The following PLXNA1 variants were observed in gnomAD, a reference collection of about 807,000 sequenced individuals.
The protein encoded by PLXNA1 is plexin A1.
A neutral mutation model predicts 191.7 loss-of-function variants in PLXNA1; 77 were observed. The ratio of observed to expected loss-of-function variants is 0.40; its 90% CI spans 0.33 to 0.49. PLXNA1 has a LOEUF of 0.49. Ranked by LOEUF, PLXNA1 falls within the 20% of genes least tolerant of loss-of-function variation. The probability of loss-of-function intolerance (pLI) is 0.63; values close to 1 mark genes in which losing one functional copy is unlikely to be tolerated. For synonymous variants in PLXNA1, 1,137 were observed against 1,156.4 expected, an observed-to-expected ratio of 0.98 and a Z score of 0.34; for missense variants, 2,110 against 2,660.2, an observed-to-expected ratio of 0.79 and a Z score of 4.55.
intron 13 of PLXNA1, 40 bp from the exon 14 acceptor site, chr3:127,014,671 G>A (rs1178290533): frequency 1.2e-6 from 2 of 1,611,060 alleles, no homozygotes; most frequent in South Asian, 1.1e-5. Context: ...GACGGGACGG[G>A]GCGGGGCTCC....
rs960792613 is a variant in PLXNA1 at position 127,028,169 on chromosome 3, C to A, written c.4510-12C>A. The A allele has an allele frequency of 1.2e-6, 2 of 1,613,132 alleles. No individual in the cohort carries two copies. Among genetic ancestry groups the A allele is most frequent in the Non-Finnish European group, 1.7e-6 (2 of 1,179,966 alleles). On this transcript the variant is annotated splice_polypyrimidine_tract_variant and intron_variant, in intron 24 of 31. Transcript: ENST00000393409. ...GGGCTGACGCTGCCCCCTTGCTCCA[C>A]CCCGCCCGCAGACCCTGAACTGTGT...
At chr3:127,017,313 C>T (rs892355637) in intron 17 of PLXNA1, 112 bp from the exon 18 acceptor site, 1 of 1,439,738 alleles carries the variant, frequency 6.9e-7, no homozygotes, top group Non-Finnish European at 9.3e-7. Flanking sequence ...CTGCTAGTGC[C>T]TGGCATCATC....
chr3:126,999,687 C>T (rs904818069), intron 3 of PLXNA1, among the ~76,000 whole-genome samples: 3 of 152,104 alleles, frequency 2.0e-5, no homozygotes, highest in Admixed American at 6.5e-5. Context: ...AGGGCTGTGG[C>T]GGTGATGGGA....
At chr3:126,986,738 A>G (rs549951478) in intron 1 of PLXNA1, among the ~76,000 whole-genome samples, 2 of 152,278 alleles carry the variant, frequency 1.3e-5, no homozygotes, top group African/African-American at 4.8e-5. Flanking sequence ...AGATGAGAAC[A>G]GGGTGACTGA....
At chr3:126,983,761 C>T (rs1254456489) in intron 1 of PLXNA1, among the ~76,000 whole-genome samples, 1 of 151,968 alleles carries the variant, frequency 6.6e-6, no homozygotes, top group South Asian at 2.1e-4. Context: ...GCCGCTGGAC[C>T]TCGGCTCAGA....
At chr3:127,023,598 C>T (rs918043149) in intron 23 of PLXNA1, among the ~76,000 whole-genome samples, 1 of 152,150 alleles carries the variant, frequency 6.6e-6, no homozygotes, top group South Asian at 2.1e-4. Flanking sequence ...TGCCTGGGTT[C>T]GATTCTCCTG....
chr3:126,984,688 T>A (rs1041519319), intron 1 of PLXNA1, among the ~76,000 whole-genome samples: 2 of 152,158 alleles, frequency 1.3e-5, no homozygotes, highest in African/African-American at 4.8e-5. Flanking sequence ...GGCCTGGGTT[T>A]GTGGCCTCAG....
rs768313880 is a variant in PLXNA1 at position 127,014,183 on chromosome 3, G to A, written c.2412G>A (p.Ala804=). The A allele has an allele frequency of 9.3e-6, 15 of 1,610,902 alleles. No homozygotes were observed. The highest frequency in any genetic ancestry group is 3.3e-4 in the Middle Eastern group (2 of 6,058). Residue 804 remains alanine (A), a splice_region_variant and synonymous_variant, in exon 12 of 32, where the codon GCG becomes GCA. Coordinates refer to ENST00000393409, the MANE Select transcript of PLXNA1 (RefSeq NM_032242.4). ...FVIDNPQNIQ[A]HLYKCPALRE... ...AGCTGACCGCACCCCTCCCCACAGC[G>A]CACCTCTACAAGTGCCCGGCCCTGC...
At chr3:127,029,613 C>T in intron 27 of PLXNA1, 77 bp downstream of exon 27, 2 of 1,471,660 alleles carry the variant, frequency 1.4e-6, no homozygotes, top group South Asian at 2.3e-5. Flanking sequence ...GGCTCCCACG[C>T]TGCAGCAGCC....
chr3:126,987,089 G>A (rs1348272375), intron 1 of PLXNA1, among the ~76,000 whole-genome samples: 2 of 152,378 alleles, frequency 1.3e-5, no homozygotes, highest in East Asian at 1.9e-4. Flanking sequence ...AACCAAGGGG[G>A]TGGCACTGCT....
chr3:127,004,836 G>A (rs745854984), intron 5 of PLXNA1, 49 bp from the exon 6 acceptor site: 33 of 1,565,976 alleles, frequency 2.1e-5, no homozygotes, highest in Admixed American at 3.6e-5. Flanking sequence ...CTGGCAGGCG[G>A]GCCCCGTAGG....
intron 8 of PLXNA1, among the ~76,000 whole-genome samples, chr3:127,007,121 G>A (rs1045785623): frequency 2.6e-5 from 4 of 152,184 alleles, no homozygotes; most frequent in African/African-American, 7.2e-5. Context: ...AGGGGGCCGA[G>A]GGCTACAGGA....
Position 127,004,962 on chromosome 3 carries a change from T to A in PLXNA1, c.1697T>A (p.Leu566Gln). The stretch of plus-strand genomic sequence containing the variant: ...GCGGACCTGCTGCAGTGTGTGCAGC[T>A]GACTGTGCAGCCCCGCAATGTGTCT... ...FAADLLQCVQ[L>Q]TVQPRNVSVT... Residue 566 changes from leucine (L) to glutamine (Q), a missense_variant, in exon 6 of 32, where the codon CTG (leucine) becomes CAG (glutamine). Leu to Gln is a moderately radical substitution (Grantham distance 113). This residue lies in a region of PLXNA1 where 903 missense variants were observed against 1,015.7 expected (regional missense o/e 0.89). Transcript: ENST00000393409. 1 of 1,610,722 alleles carries A rather than the reference T, an allele frequency of 6.2e-7. No individual in the cohort carries two copies. Among genetic ancestry groups the A allele is most frequent in the Non-Finnish European group, 8.5e-7 (1 of 1,178,316 alleles).
At chr3:126,987,710 G>C (rs2078966050) in intron 1 of PLXNA1, among the ~76,000 whole-genome samples, 1 of 152,178 alleles carries the variant, frequency 6.6e-6, no homozygotes, top group African/African-American at 2.4e-5. Context: ...AGGACTGGTG[G>C]CTTGGATAGA....
At chr3:127,023,751 G>A (rs1253411067) in intron 23 of PLXNA1, among the ~76,000 whole-genome samples, 1 of 152,186 alleles carries the variant, frequency 6.6e-6, no homozygotes, top group Non-Finnish European at 1.5e-5. Flanking sequence ...CATCCTCGCT[G>A]CCGGGAGAGA....
At chr3:126,983,489 C>T (rs2078941265) in intron 1 of PLXNA1, among the ~76,000 whole-genome samples, 1 of 146,222 alleles carries the variant, frequency 6.8e-6, no homozygotes, top group South Asian at 2.1e-4. Flanking sequence ...GCCCGCGTGT[C>T]CCTGCGGCTC....
intron 3 of PLXNA1, among the ~76,000 whole-genome samples, chr3:126,997,161 C>A (rs975799560): frequency 6.6e-5 from 10 of 152,234 alleles, no homozygotes; most frequent in African/African-American, 2.4e-4. Context: ...AGCACACATG[C>A]CTGTGCATCC....
At chr3:126,991,600 C>A in intron 3 of PLXNA1, 34 bp downstream of exon 3, 5 of 1,504,602 alleles carry the variant, frequency 3.3e-6, no homozygotes, top group Non-Finnish European at 4.5e-6. Flanking sequence ...GAGGAGGGGG[C>A]TTGGGGCAGG....
chr3:127,017,804 T>G lies in PLXNA1; in HGVS notation c.3572T>G (p.Leu1191Arg). ...AACTCCCGACTCAACTACACGGTGCTCATCGGCTCCACACCCTGTACCCTC... is the reference window on the plus strand; with the variant it reads ...AACTCCCGACTCAACTACACGGTGCGCATCGGCTCCACACCCTGTACCCTC... ...PGNSRLNYTV[L>R]IGSTPCTLTV... is the part of the protein sequence containing the mutation. Residue 1191 changes from leucine (L) to arginine (R), a missense_variant, in exon 19 of 32, where the codon CTC becomes CGC. Around this residue, in one of 4 missense-constraint regions of PLXNA1, gnomAD observed 644 missense variants for 714.3 expected, o/e 0.90. Transcript: ENST00000393409. 6.2e-7 allele frequency: 1 copy of G among 1,613,106 alleles called. No individual in the cohort carries two copies. The highest frequency in any genetic ancestry group is 1.7e-5 in the Admixed American group (1 of 60,018).
Sources: gnomAD v4.1 joint callset for allele counts (sites outside exome capture counted in the v4.1 genomes callset) on GRCh38, gnomAD v4.1.1 for gene constraint, gnomAD v4.1.1 regional missense constraint, MANE v1.5 for transcripts, NCBI Gene and HGNC (gene_info 2026-07-23, HGNC 2026-07-21) for gene names.